The following KIAA1328 variants were observed in gnomAD, a reference collection of about 807,000 sequenced individuals.
The protein encoded by KIAA1328 is protein hinderin.
In KIAA1328, 52 loss-of-function variants were observed where a neutral mutation model predicts 68.1. The ratio of observed to expected loss-of-function variants is 0.76; its 90% CI spans 0.61 to 0.96. KIAA1328 has a LOEUF of 0.96. KIAA1328 is among the 40% of genes least tolerant of loss of function. The probability of loss-of-function intolerance (pLI) is 0.00; values close to 1 mark genes in which losing one functional copy is unlikely to be tolerated. For missense variants in KIAA1328, 641 were observed against 677.6 expected, an observed-to-expected ratio of 0.95 and a Z score of 0.60; for synonymous variants, 232 against 239.4, an observed-to-expected ratio of 0.97 and a Z score of 0.28.
Position 37,223,603 on chromosome 18 carries a change from A to C in KIAA1328, c.*1376A>C. ...TTTTACCAACCCCAACTAAACTGGG[A>C]GTAAGACTTAGTCAGTGTTGGTAGA... On this transcript the variant is annotated 3_prime_UTR_variant, in exon 10 of 10. Transcript: ENST00000280020. 5.1e-6 allele frequency: 5 copies of C among 985,412 alleles called. No individual in the cohort carries two copies. Among genetic ancestry groups the C allele is most frequent in the Non-Finnish European group, 6.0e-6 (5 of 829,932 alleles). The allele number at this position is 985,412 out of a possible 1,614,324, so 61.0% of individuals were successfully genotyped here.
chr18:37,133,581 A>T (rs1389227898), intron 7 of KIAA1328, among the ~76,000 whole-genome samples: 1 of 143,672 alleles, frequency 7.0e-6, no homozygotes, highest in Non-Finnish European at 1.5e-5. Context: ...GCTGGAGTGC[A>T]GTGGCCCGAT....
Position 37,121,448 on chromosome 18 carries a change from A to G in KIAA1328, c.1233-38752A>G, listed in dbSNP as rs76034882. On this transcript the variant is annotated intron_variant, in intron 7 of 9. Coordinates refer to ENST00000280020, the MANE Select transcript of KIAA1328 (RefSeq NM_020776.3). ...TATCTATCTATCTATCTATCTATCT[A>G]TCTATCTATCTATGCATCTATCGAT... Among the ~76,000 whole-genome samples the G allele has an allele frequency of 6.8e-3, 1,033 of 151,934 alleles. 7 individuals are homozygous for G. The highest frequency in any genetic ancestry group is 0.02 in the Middle Eastern group (6 of 294).
intron 4 of KIAA1328, among the ~76,000 whole-genome samples, chr18:36,876,679 G>A (rs1228588033): frequency 4.6e-5 from 7 of 151,778 alleles, no homozygotes; most frequent in Admixed American, 3.3e-4. Context: ...TATCTCCTTC[G>A]TTCTGCTCTG....
At chr18:37,046,997 T>G (rs998604272) in intron 6 of KIAA1328, among the ~76,000 whole-genome samples, 1 of 152,160 alleles carries the variant, frequency 6.6e-6, no homozygotes, top group Non-Finnish European at 1.5e-5. Context: ...CTGGGTGTGA[T>G]GGCACATGCC....
chr18:37,229,784 G>A (rs2060656572), downstream of KIAA1328: 1 of 197,716 alleles, frequency 5.1e-6, no homozygotes, highest in African/African-American at 2.4e-5. Context: ...TACTCAGGAG[G>A]CTGAGGCAGG....
chr18:36,992,461 T>C (rs1447032752), intron 6 of KIAA1328, among the ~76,000 whole-genome samples: 1 of 15,508 alleles, frequency 6.4e-5, no homozygotes, highest in Non-Finnish European at 7.7e-4. Context: ...CTTTTTTTTT[T>C]TTTTTTTTTT....
intron 4 of KIAA1328, among the ~76,000 whole-genome samples, chr18:36,881,103 A>G (rs140934102): frequency 6.6e-6 from 1 of 151,660 alleles, no homozygotes; most frequent in East Asian, 1.9e-4. Flanking sequence ...ATGAACTAAA[A>G]GTGATAACCA....
chr18:37,173,163 A>C, intron 9 of KIAA1328, 82 bp downstream of exon 9: 1 of 1,008,348 alleles, frequency 9.9e-7, no homozygotes, highest in Admixed American at 2.3e-5. Flanking sequence ...GGAAGGGAAA[A>C]ATCTTGACAA....
chr18:37,092,521 C>T (rs931410168), intron 7 of KIAA1328, among the ~76,000 whole-genome samples: 4 of 152,054 alleles, frequency 2.6e-5, no homozygotes, highest in Non-Finnish European at 4.4e-5. Flanking sequence ...TGCCCATGCA[C>T]ACCTTGTGGG....
At chr18:36,884,226 A>G (rs2048421005) in intron 4 of KIAA1328, among the ~76,000 whole-genome samples, 2 of 152,122 alleles carry the variant, frequency 1.3e-5, no homozygotes, top group Admixed American at 1.3e-4. Flanking sequence ...AACAGAGTAT[A>G]AATTCTCTTC....
intron 6 of KIAA1328, among the ~76,000 whole-genome samples, chr18:36,967,045 A>G (rs2051970026): frequency 6.6e-6 from 1 of 152,222 alleles, no homozygotes; most frequent in South Asian, 2.1e-4. Flanking sequence ...AGTAGGTAGA[A>G]TTTTAAGATG....
chr18:37,100,226 G>T (rs897118210), intron 7 of KIAA1328, among the ~76,000 whole-genome samples: 2 of 152,154 alleles, frequency 1.3e-5, no homozygotes, highest in African/African-American at 4.8e-5. Context: ...GCAAGGCATC[G>T]CCTCACCCAG....
At chr18:37,158,503 A>G (rs576010069) in intron 7 of KIAA1328, among the ~76,000 whole-genome samples, 1 of 152,280 alleles carries the variant, frequency 6.6e-6, no homozygotes, top group Admixed American at 6.5e-5. Context: ...AGAAAAAGAG[A>G]TGATTGACAG....
chr18:36,868,392 A>G (rs1308276071), intron 4 of KIAA1328, among the ~76,000 whole-genome samples: 3 of 152,208 alleles, frequency 2.0e-5, no homozygotes, highest in Non-Finnish European at 4.4e-5. Context: ...GTCTTTTTCA[A>G]TAAAATTAAT....
At chr18:36,931,278 C>G (rs1243089564) in intron 5 of KIAA1328, among the ~76,000 whole-genome samples, 1 of 152,090 alleles carries the variant, frequency 6.6e-6, no homozygotes, top group African/African-American at 2.4e-5. Flanking sequence ...GGCTGCACAG[C>G]AGGAGATGAG....
chr18:37,023,341 AG>A (rs1307520496), intron 6 of KIAA1328, among the ~76,000 whole-genome samples: 1 of 152,140 alleles, frequency 6.6e-6, no homozygotes, highest in Non-Finnish European at 1.5e-5. Context: ...CAGCCCCCCA[AG>A]TAGCTGGGAC....
rs2055287834 is a variant in KIAA1328 at position 37,042,345 on chromosome 18, G to C, written c.577-24545G>C. 2.0e-5 allele frequency among the ~76,000 whole-genome samples: 3 copies of C among 152,080 alleles called. No individual in the cohort carries two copies. The South Asian group carries it at 6.2e-4, about 32-fold the overall frequency. On this transcript the variant is annotated intron_variant, in intron 6 of 9. Coordinates refer to ENST00000280020, the MANE Select transcript of KIAA1328 (RefSeq NM_020776.3). ...ATTATTTCTGTAGACTCAAGTAACTGGTGTAATTTCTTTCTAACCTAAAAG... is the reference window on the plus strand; with the variant it reads ...ATTATTTCTGTAGACTCAAGTAACTCGTGTAATTTCTTTCTAACCTAAAAG...
intron 5 of KIAA1328, among the ~76,000 whole-genome samples, chr18:36,955,431 TC>T (rs1428361181): frequency 6.6e-6 from 1 of 151,372 alleles, no homozygotes; most frequent in Non-Finnish European, 1.5e-5. Flanking sequence ...TGCCTCAGCC[TC>T]CCGAGTAGCT....
intron 6 of KIAA1328, among the ~76,000 whole-genome samples, chr18:36,965,077 G>A (rs914623847): frequency 2.0e-5 from 3 of 152,078 alleles, no homozygotes; most frequent in Non-Finnish European, 2.9e-5. Flanking sequence ...GAAAATGTTG[G>A]TAGGTCAGCC....
Sources: gnomAD v4.1 joint callset for allele counts (sites outside exome capture counted in the v4.1 genomes callset) on GRCh38, gnomAD v4.1.1 for gene constraint, MANE v1.5 for transcripts, NCBI Gene and HGNC (gene_info 2026-07-23, HGNC 2026-07-21) for gene names.